The following MTUS2 variants were observed in gnomAD, a reference collection of about 807,000 sequenced individuals.
MTUS2 encodes the protein microtubule associated scaffold protein 2.
A neutral mutation model predicts 114.1 loss-of-function variants in MTUS2; 40 were observed. That is an observed-to-expected ratio of 0.35 (90% CI 0.27 to 0.46). The LOEUF is 0.46. Ranked by LOEUF, MTUS2 falls within the 20% of genes least tolerant of loss-of-function variation. MTUS2 has a pLI of 1.00. For synonymous variants in MTUS2, 688 were observed against 672.0 expected, an observed-to-expected ratio of 1.02 and a Z score of -0.37; for missense variants, 1,679 against 1,705.4, an observed-to-expected ratio of 0.98 and a Z score of 0.27.
rs74044831 is a variant in MTUS2 at position 29,502,824 on chromosome 13, C to G, written c.3897-169C>G. Among the ~76,000 whole-genome samples the G allele has an allele frequency of 8.6e-3, 1,305 of 152,210 alleles. 12 individuals carry two copies. Among genetic ancestry groups the G allele is most frequent in the African/African-American group, 0.03 (1,229 of 41,528 alleles). ...CTCTGGGAACAGATGTGTCATTGGG[C>G]CAAATGGAAATCATGATTCAACCAA... On this transcript the variant is annotated intron_variant, in intron 15 of 15. Coordinates refer to ENST00000612955, the MANE Select transcript of MTUS2 (RefSeq NM_001033602.4).
chr13:29,350,991 A>T (rs1286069088), intron 7 of MTUS2, among the ~76,000 whole-genome samples: 4 of 147,236 alleles, frequency 2.7e-5, no homozygotes, highest in African/African-American at 1.0e-4. Flanking sequence ...ATATCTTCAG[A>T]GGACACAAAC....
chr13:29,089,861 A>C (rs978899788), intron 4 of MTUS2, among the ~76,000 whole-genome samples: 2 of 152,132 alleles, frequency 1.3e-5, no homozygotes, highest in Non-Finnish European at 2.9e-5. Flanking sequence ...TGGTTCTTTG[A>C]ATTAGGTTTC....
chr13:29,044,603 G>A (rs367672091), intron 4 of MTUS2, among the ~76,000 whole-genome samples: 2 of 152,176 alleles, frequency 1.3e-5, no homozygotes, highest in African/African-American at 2.4e-5. Flanking sequence ...CCTGTTCAAA[G>A]TGTTACTCTG....
chr13:29,084,523 CCCTCT>C (rs1485434190), intron 4 of MTUS2, among the ~76,000 whole-genome samples: 1 of 57,774 alleles, frequency 1.7e-5, no homozygotes, highest in Non-Finnish European at 4.6e-5. Flanking sequence ...CCCTCCCCTC[CCCTCT>C]CCCCCCCTTC....
At chr13:28,927,291 G>T (rs1881376086) in intron 2 of MTUS2, among the ~76,000 whole-genome samples, 1 of 152,124 alleles carries the variant, frequency 6.6e-6, no homozygotes, top group Admixed American at 6.5e-5. Flanking sequence ...GCTTGTATTT[G>T]CAGTGCTTTG....
chr13:29,180,144 A>G (rs1047707499), intron 5 of MTUS2, among the ~76,000 whole-genome samples: 6 of 152,232 alleles, frequency 3.9e-5, no homozygotes, highest in Non-Finnish European at 7.3e-5. Context: ...AAGGGGTTGA[A>G]TAATTTATGC....
At chr13:28,823,014 G>A (rs746086733) in intron 1 of MTUS2, among the ~76,000 whole-genome samples, 3 of 152,244 alleles carry the variant, frequency 2.0e-5, no homozygotes, top group Non-Finnish European at 4.4e-5. Context: ...GGATCAGTGT[G>A]TGAGCTGGAG....
At chr13:29,302,350 C>G (rs560605628) in intron 6 of MTUS2, among the ~76,000 whole-genome samples, 4 of 152,234 alleles carry the variant, frequency 2.6e-5, no homozygotes, top group Admixed American at 2.6e-4. Context: ...CTTTGCAACC[C>G]AAAGATCAGG....
At chr13:29,110,926 G>A (rs1490773989) in intron 5 of MTUS2, among the ~76,000 whole-genome samples, 1 of 152,194 alleles carries the variant, frequency 6.6e-6, no homozygotes, top group East Asian at 1.9e-4. Flanking sequence ...ATATTAGCAT[G>A]TATAATATGC....
At chr13:28,966,743 A>AC (rs1259031224) in intron 2 of MTUS2, among the ~76,000 whole-genome samples, 7 of 151,670 alleles carry the variant, frequency 4.6e-5, no homozygotes, top group Non-Finnish European at 8.8e-5. Context: ...AAAAAAAAAA[A>AC]AAAAACAAAG....
chr13:29,023,768 T>A (rs1416221279), intron 2 of MTUS2, among the ~76,000 whole-genome samples: 4 of 152,220 alleles, frequency 2.6e-5, no homozygotes, highest in Non-Finnish European at 4.4e-5. Context: ...CATACCTCAA[T>A]TTAAATTTGC....
At chr13:29,055,316 G>C (rs906651810) in intron 4 of MTUS2, among the ~76,000 whole-genome samples, 5 of 152,010 alleles carry the variant, frequency 3.3e-5, no homozygotes, top group Non-Finnish European at 7.4e-5. Flanking sequence ...TCCTTCTTCA[G>C]AAAACCAATT....
At chr13:28,963,452 C>T (rs1383278032) in intron 2 of MTUS2, among the ~76,000 whole-genome samples, 1 of 152,146 alleles carries the variant, frequency 6.6e-6, no homozygotes, top group Non-Finnish European at 1.5e-5. Context: ...CCTTTCACAC[C>T]AGATACCCAC....
intron 2 of MTUS2, among the ~76,000 whole-genome samples, chr13:28,934,186 G>A (rs1263479344): frequency 6.6e-6 from 1 of 152,186 alleles, no homozygotes; most frequent in East Asian, 1.9e-4. Context: ...ATTGCGTAGT[G>A]TAACACAAAA....
intron 4 of MTUS2, among the ~76,000 whole-genome samples, chr13:29,049,264 A>C: frequency 6.6e-6 from 1 of 152,314 alleles, no homozygotes; most frequent in African/African-American, 2.4e-5. Context: ...TGCTATTTTT[A>C]TGAAGAGCTG....
intron 2 of MTUS2, among the ~76,000 whole-genome samples, chr13:28,957,856 T>C (rs79608802): frequency 0.012 from 1,819 of 152,330 alleles, 39 homozygotes; most frequent in African/African-American, 0.042. Flanking sequence ...CCCTGCAATA[T>C]GATGCCAGGA....
At chr13:29,211,523 C>A (rs1317202869) in intron 5 of MTUS2, among the ~76,000 whole-genome samples, 1 of 152,238 alleles carries the variant, frequency 6.6e-6, no homozygotes, top group Non-Finnish European at 1.5e-5. Context: ...TTTCCTTCTC[C>A]CTGTGATCTT....
intron 2 of MTUS2, among the ~76,000 whole-genome samples, chr13:28,962,612 C>T (rs1209954419): frequency 1.3e-5 from 2 of 152,166 alleles, no homozygotes; most frequent in Non-Finnish European, 2.9e-5. Context: ...CTGGTGTATG[C>T]CATTGGCCAT....
At chr13:29,142,899 C>T (rs1892284178) in intron 5 of MTUS2, among the ~76,000 whole-genome samples, 1 of 152,114 alleles carries the variant, frequency 6.6e-6, no homozygotes, top group Admixed American at 6.5e-5. Flanking sequence ...TAAAGCAAGG[C>T]AGCATGTACA....
Sources: gnomAD v4.1 joint callset for allele counts (sites outside exome capture counted in the v4.1 genomes callset) on GRCh38, gnomAD v4.1.1 for gene constraint, MANE v1.5 for transcripts, NCBI Gene and HGNC (gene_info 2026-07-23, HGNC 2026-07-21) for gene names.